The following OSBPL10 variants were observed in gnomAD, a reference collection of about 807,000 sequenced individuals.
OSBPL10 encodes the protein oxysterol-binding protein-related protein 10.
A neutral mutation model predicts 81.7 loss-of-function variants in OSBPL10; 49 were observed. That is an observed-to-expected ratio of 0.60 (90% CI 0.48 to 0.76). The LOEUF (loss-of-function observed/expected upper bound fraction) is 0.76, where lower values mean the gene tolerates loss of function less well. OSBPL10 is among the 30% of genes least tolerant of loss of function. OSBPL10 has a pLI of 0.00. For synonymous variants in OSBPL10, 419 were observed against 383.6 expected, an observed-to-expected ratio of 1.09 and a Z score of -1.08; for missense variants, 923 against 987.8, an observed-to-expected ratio of 0.93 and a Z score of 0.88.
intron 1 of OSBPL10, among the ~76,000 whole-genome samples, chr3:31,896,438 A>G (rs1696059785): frequency 6.6e-6 from 1 of 152,168 alleles, no homozygotes; most frequent in African/African-American, 2.4e-5. Flanking sequence ...ACTGCTTCCA[A>G]CTCTGGACAA....
intron 7 of OSBPL10, among the ~76,000 whole-genome samples, chr3:31,694,888 G>A (rs1343354967): frequency 1.3e-5 from 2 of 152,178 alleles, no homozygotes; most frequent in Non-Finnish European, 2.9e-5. Flanking sequence ...CCAAGTAGCT[G>A]GGATTACAGG....
At chr3:31,854,660 G>A (rs946178490) in intron 3 of OSBPL10, among the ~76,000 whole-genome samples, 2 of 152,032 alleles carry the variant, frequency 1.3e-5, no homozygotes, top group East Asian at 1.9e-4. Context: ...AACCCACCAC[G>A]TATCCTTTAC....
Position 31,683,652 on chromosome 3 carries a change from C to T in OSBPL10, c.1708G>A (p.Val570Ile). The T allele has an allele frequency of 6.2e-7, 1 of 1,612,344 alleles. No homozygotes were observed. The highest frequency in any genetic ancestry group is 1.7e-5 in the Admixed American group (1 of 60,016). ...GGCTTACCTTCCCCTATCATAGAGA[C>T]CCCCACGGACATGCCCATGAACTTG... ...KSKFMGMSVG[V>I]SMIGEGVLRL... The change falls in exon 8 of 12, where the codon GTC (valine) becomes ATC (isoleucine). Residue 570 changes from valine (V) to isoleucine (I), a missense_variant. Coordinates refer to ENST00000396556, the MANE Select transcript of OSBPL10 (RefSeq NM_017784.5).
chr3:31,960,411 T>C (rs370450571), intron 1 of OSBPL10: 7 of 152,182 alleles, frequency 4.6e-5, no homozygotes, highest in African/African-American at 1.7e-4. Flanking sequence ...ACATTCACAA[T>C]AACAAGGGCA....
chr3:31,875,348 A>C lies in OSBPL10; in HGVS notation c.537+1085T>G, dbSNP rs189897724. ...ATATAAAAAGACAAAAACAAACTGCACTTCCTAGATGTATATAAAGTACCA... is the reference window on the plus strand; with the variant it reads ...ATATAAAAAGACAAAAACAAACTGCCCTTCCTAGATGTATATAAAGTACCA... On this transcript the variant is annotated intron_variant, in intron 3 of 11. Transcript: ENST00000396556. Among the ~76,000 whole-genome samples the C allele has an allele frequency of 3.9e-5, 6 of 152,250 alleles. No individual in the cohort carries two copies. The East Asian group carries it at 9.6e-4, about 24-fold the overall frequency.
chr3:32,000,619 G>T (rs1025490636), intron 2 of OSBPL10, among the ~76,000 whole-genome samples: 2 of 152,212 alleles, frequency 1.3e-5, no homozygotes, highest in African/African-American at 4.8e-5. Context: ...TTCTCAGCAC[G>T]GTTTGTCAGC....
intron 4 of OSBPL10, among the ~76,000 whole-genome samples, chr3:31,755,388 C>T (rs974651233): frequency 6.6e-6 from 1 of 152,128 alleles, no homozygotes; most frequent in African/African-American, 2.4e-5. Flanking sequence ...TCTAACTGGC[C>T]GGTTGGAAGT....
chr3:31,726,502 A>C (rs1388523331), intron 6 of OSBPL10, among the ~76,000 whole-genome samples: 2 of 151,528 alleles, frequency 1.3e-5, no homozygotes, highest in African/African-American at 2.4e-5. Context: ...TTTTTAGTAG[A>C]AACAGGTTTC....
Position 31,881,900 on chromosome 3 carries a change from A to C in OSBPL10, c.282-2070T>G, listed in dbSNP as rs56266361. 7.6e-3 allele frequency among the ~76,000 whole-genome samples: 1,152 copies of C among 152,308 alleles called. 17 individuals carry two copies. The highest frequency in any genetic ancestry group is 0.026 in the African/African-American group (1,089 of 41,554). ...TTATACGTATCCTGAGACTTGAAGG[A>C]ATTTAAAATCCAAGTTCAACTCTTC... On this transcript the variant is annotated intron_variant, in intron 1 of 11. Transcript: ENST00000396556.
At chr3:32,055,354 C>A (rs1236614639) in intron 1 of OSBPL10, among the ~76,000 whole-genome samples, 2 of 151,824 alleles carry the variant, frequency 1.3e-5, no homozygotes, top group Non-Finnish European at 2.9e-5. Flanking sequence ...CAGGTGCATG[C>A]CACCACACTG....
intron 3 of OSBPL10, among the ~76,000 whole-genome samples, chr3:31,855,196 T>A (rs905042783): frequency 8.1e-5 from 7 of 86,900 alleles, no homozygotes; most frequent in Non-Finnish European, 1.6e-4. Context: ...AATTTTTAAG[T>A]TTTTTTGTGC....
chr3:31,728,693 C>T (rs1375052532), intron 6 of OSBPL10, among the ~76,000 whole-genome samples: 4 of 152,006 alleles, frequency 2.6e-5, no homozygotes, highest in Non-Finnish European at 4.4e-5. Flanking sequence ...CCGGGAAAGA[C>T]AAAACTATAG....
chr3:31,743,428 C>G (rs996098259), intron 5 of OSBPL10, among the ~76,000 whole-genome samples: 1 of 152,160 alleles, frequency 6.6e-6, no homozygotes, highest in Non-Finnish European at 1.5e-5. Flanking sequence ...GAGATAATAA[C>G]ATCAGAAACA....
chr3:31,781,555 C>T (rs2125770529), intron 4 of OSBPL10, among the ~76,000 whole-genome samples: 1 of 152,212 alleles, frequency 6.6e-6, no homozygotes, highest in Non-Finnish European at 1.5e-5. Flanking sequence ...CTAGGAAACA[C>T]TAAAGACTCA....
Position 31,728,527 on chromosome 3 carries a change from G to A in OSBPL10, c.1095+4730C>T, listed in dbSNP as rs189835691. Reference sequence around the variant, plus strand: ...AAAGTTATCAAATGCTCTTCAACTAGTAAACGGATAATCTGTAGATCCCAT... The same window carrying A: ...AAAGTTATCAAATGCTCTTCAACTAATAAACGGATAATCTGTAGATCCCAT... On this transcript the variant is annotated intron_variant, in intron 6 of 11. Transcript: ENST00000396556. Among the ~76,000 whole-genome samples, 396 of 152,286 alleles carry A rather than the reference G, an allele frequency of 2.6e-3. 2 individuals are homozygous for A. Among genetic ancestry groups the A allele is most frequent in the African/African-American group, 9.1e-3 (378 of 41,564 alleles).
chr3:31,823,180 T>C (rs183511230), intron 4 of OSBPL10, among the ~76,000 whole-genome samples: 5 of 152,260 alleles, frequency 3.3e-5, no homozygotes, highest in Admixed American at 2.6e-4. Flanking sequence ...CCTCAACCAA[T>C]TGCCAGGTCT....
At chr3:31,990,891 T>C in intron 2 of OSBPL10, 1 of 1,575,134 alleles carries the variant, frequency 6.3e-7, no homozygotes, top group Non-Finnish European at 8.6e-7. Context: ...AAGCCTTTAC[T>C]TCACATTCAC....
chr3:31,668,915 TAATCAGAAATGGGAAGGAGGGA>T, intron 9 of OSBPL10, 91 bp from the exon 10 acceptor site: 1 of 1,182,242 alleles, frequency 8.5e-7, no homozygotes, highest in Non-Finnish European at 1.2e-6. Context: ...TTTTTTTTTT[TAATCAGAAATGGGAAGGAGGGA>T]TTGTTTTTGC....
At position 31,908,308 on chromosome 3, in the gene OSBPL10, C is replaced by T. The variant is rs191798250; in HGVS notation, c.282-28478G>A. 2.2e-3 allele frequency among the ~76,000 whole-genome samples: 335 copies of T among 152,256 alleles called. 1 individual carries two copies. Among genetic ancestry groups the T allele is most frequent in the Non-Finnish European group, 4.0e-3 (270 of 68,032 alleles). ...GAGCAAAGACATGACACTAGCAGCT[C>T]ACTCTAGAATGATGCTTGGGTGGGT... On this transcript the variant is annotated intron_variant, in intron 1 of 11. Transcript: ENST00000396556.
Sources: gnomAD v4.1 joint callset for allele counts (sites outside exome capture counted in the v4.1 genomes callset) on GRCh38, gnomAD v4.1.1 for gene constraint, MANE v1.5 for transcripts, NCBI Gene and HGNC (gene_info 2026-07-23, HGNC 2026-07-21) for gene names.